Variants in RANBP2 observed in about 807,000 individuals in gnomAD.
The protein encoded by RANBP2 is E3 SUMO-protein ligase RanBP2.
A neutral mutation model predicts 303.6 loss-of-function variants in RANBP2; 57 were observed. The observed-to-expected ratio is 0.19, with a 90% CI of 0.15 to 0.23. The LOEUF (loss-of-function observed/expected upper bound fraction) is 0.23, where lower values mean the gene tolerates loss of function less well. Among genes scored for constraint, RANBP2 ranks in the 10% least tolerant of loss-of-function variants. The pLI is 1.00. For synonymous variants in RANBP2, 1,167 were observed against 1,301.5 expected (o/e 0.90, Z 2.23); for missense variants, 3,138 against 3,780.8 (o/e 0.83, Z 4.46).
At chr2:108,811,071 T>G in the RANBP2 span, among the ~76,000 whole-genome samples, 1 of 149,082 alleles carries the variant, frequency 6.7e-6, no homozygotes, top group African/African-American at 2.5e-5. Flanking sequence ...CGATTTTATC[T>G]GTTTGGGTCT....
At chr2:109,398,490 G>T in the RANBP2 span, 1 of 1,062,504 alleles carries the variant, frequency 9.4e-7, no homozygotes, top group Non-Finnish European at 1.3e-6. Context: ...TGAATGCATT[G>T]CCAGTTTGTG....
chr2:108,719,749 T>G (rs1313221818), intron 1 of RANBP2, 71 bp downstream of exon 1: 1 of 1,543,932 alleles, frequency 6.5e-7, no homozygotes, highest in Non-Finnish European at 8.7e-7. Flanking sequence ...TCAGGCGTCA[T>G]GGCTCCCGAC....
the RANBP2 span, chr2:109,618,775 G>A: frequency 6.0e-6 from 1 of 166,932 alleles, no homozygotes; most frequent in Admixed American, 6.5e-5. Context: ...TTCTTATAAG[G>A]TACACTTGAA....
the RANBP2 span, among the ~76,000 whole-genome samples, chr2:109,063,192 G>C: frequency 1.3e-5 from 2 of 152,210 alleles, no homozygotes; most frequent in Non-Finnish European, 2.9e-5. Context: ...CTCTGAGTGA[G>C]ACCTGGAGGT....
At chr2:109,117,614 C>G in the RANBP2 span, among the ~76,000 whole-genome samples, 1 of 152,226 alleles carries the variant, frequency 6.6e-6, no homozygotes, top group Non-Finnish European at 1.5e-5. Context: ...CGCCCTGCTT[C>G]AGCTCGCGCA....
the RANBP2 span, among the ~76,000 whole-genome samples, chr2:109,159,759 G>GC: frequency 6.6e-6 from 1 of 152,118 alleles, no homozygotes. Flanking sequence ...TCTCACAGGA[G>GC]CACAAACCTT....
chr2:109,524,444 C>CAAAAAAAAAAAA, the RANBP2 span, among the ~76,000 whole-genome samples: 71 of 84,404 alleles, frequency 8.4e-4, 1 homozygote, highest in African/African-American at 3.7e-3. Context: ...GACCCTGTCT[C>CAAAAAAAAAAAA]AAAAAAAAAA....
the RANBP2 span, among the ~76,000 whole-genome samples, chr2:109,263,512 G>T: frequency 3.9e-5 from 6 of 152,216 alleles, no homozygotes; most frequent in Admixed American, 2.6e-4. Flanking sequence ...GGGGGCTGAT[G>T]CATACATAGA....
In RANBP2 at chr2:108,731,399, T is replaced by C. The variant is rs746691907; in HGVS notation, c.330T>C (p.Thr110=). The change falls in exon 4 of 29, where the codon ACT becomes ACC. Residue 110 remains threonine, a synonymous_variant. Coordinates refer to ENST00000283195, the MANE Select transcript of RANBP2 (RefSeq NM_006267.5). The part of the protein sequence containing the change: ...IAELLCKNDV[T]DGRAKYWLER... ...AATTGCTTTGTAAAAATGATGTTAC[T>C]GATGGAAGAGCAAAATACTGGCTTG... 9 of 1,611,580 alleles carry C rather than the reference T, an allele frequency of 5.6e-6. No individual in the cohort carries two copies. The South Asian group carries it at 7.7e-5, about 14-fold the overall frequency.
chr2:109,576,968 T>G, the RANBP2 span, among the ~76,000 whole-genome samples: 2 of 152,164 alleles, frequency 1.3e-5, no homozygotes, highest in Admixed American at 1.3e-4. Flanking sequence ...GACACACTAT[T>G]CAGAGTCAAG....
the RANBP2 span, among the ~76,000 whole-genome samples, chr2:108,817,472 T>C: frequency 2.6e-5 from 4 of 152,048 alleles, no homozygotes; most frequent in Admixed American, 6.6e-5. Context: ...TTTGTATTTT[T>C]AGTAGAGACG....
chr2:109,501,500 C>T, the RANBP2 span: 4 of 776,370 alleles, frequency 5.2e-6, no homozygotes, highest in Non-Finnish European at 9.6e-6. Flanking sequence ...GCTGTTTCCC[C>T]AGGTACCGCG....
chr2:109,316,278 C>T, the RANBP2 span, among the ~76,000 whole-genome samples: 22 of 152,056 alleles, frequency 1.4e-4, no homozygotes, highest in Non-Finnish European at 2.8e-4. Flanking sequence ...CTGTGGGCCT[C>T]GGTCCAGGAG....
the RANBP2 span, chr2:109,585,941 AT>A: frequency 1.3e-6 from 1 of 782,712 alleles, no homozygotes; most frequent in African/African-American, 1.8e-5. Flanking sequence ...ATAAATGAAA[AT>A]TTTTATAATC....
chr2:109,307,711 A>G, the RANBP2 span, among the ~76,000 whole-genome samples: 7 of 146,852 alleles, frequency 4.8e-5, no homozygotes, highest in East Asian at 1.4e-3. Flanking sequence ...ACTGAGAATG[A>G]TGATTTCCAA....
the RANBP2 span, among the ~76,000 whole-genome samples, chr2:109,017,838 G>C: frequency 6.6e-6 from 1 of 152,160 alleles, no homozygotes; most frequent in African/African-American, 2.4e-5. Context: ...AGGCTGGAAG[G>C]GGTGAAGACA....
At chr2:109,742,534 A>G in the RANBP2 span, among the ~76,000 whole-genome samples, 2 of 148,756 alleles carry the variant, frequency 1.3e-5, no homozygotes, top group Admixed American at 1.3e-4. Flanking sequence ...GATTTGAATA[A>G]ATAGAGAAGT....
At chr2:108,776,720 T>G (rs1401700710) in intron 24 of RANBP2, among the ~76,000 whole-genome samples, 1 of 152,152 alleles carries the variant, frequency 6.6e-6, no homozygotes, top group East Asian at 1.9e-4. Context: ...AATGAGACAT[T>G]TGGTTTTTAT....
the RANBP2 span, among the ~76,000 whole-genome samples, chr2:109,061,902 A>C: frequency 6.6e-6 from 1 of 152,228 alleles, no homozygotes; most frequent in Non-Finnish European, 1.5e-5. Context: ...ATGCATTCCC[A>C]GCAGTGGGGG....
Sources: gnomAD v4.1 joint callset for allele counts (sites outside exome capture counted in the v4.1 genomes callset) on GRCh38, gnomAD v4.1.1 for gene constraint, MANE v1.5 for transcripts, NCBI Gene and HGNC (gene_info 2026-07-23, HGNC 2026-07-21) for gene names.